Variants in ADGRG1 observed in about 807,000 individuals in gnomAD.
ADGRG1 encodes adhesion G protein-coupled receptor G1.
A neutral mutation model predicts 73.5 loss-of-function variants in ADGRG1; 53 were observed. That is an observed-to-expected ratio of 0.72 (90% confidence interval 0.58 to 0.91). The LOEUF (loss-of-function observed/expected upper bound fraction) is 0.91, where lower values mean the gene tolerates loss of function less well. ADGRG1 is among the 40% of genes least tolerant of loss of function. ADGRG1 has a pLI of 0.00. For missense variants in ADGRG1, 795 were observed against 871.8 expected (o/e 0.91, Z 1.11); for synonymous variants, 394 against 374.4 (o/e 1.05, Z -0.60).
intron 1 of ADGRG1, chr16:57,633,165 C>T: frequency 2.7e-6 from 1 of 364,412 alleles, no homozygotes; most frequent in Non-Finnish European, 3.8e-6. Flanking sequence ...ATGGAGATAA[C>T]AATACATCCC....
At chr16:57,640,194 C>A (rs910697366) in intron 1 of ADGRG1, 2 of 152,240 alleles carry the variant, frequency 1.3e-5, no homozygotes, top group African/African-American at 4.8e-5. Flanking sequence ...TGGCGTCCAG[C>A]TGAACCCATG....
At position 57,632,822 on chromosome 16, in the gene ADGRG1, G is replaced by A. The variant is rs76001127; in HGVS notation, c.-36+4020G>A. 6,247 of 985,392 alleles carry A rather than the reference G, an allele frequency of 6.3e-3. 346 individuals carry two copies. The East Asian group carries it at 0.21, about 33-fold the overall frequency. The allele number at this position is 985,392 out of a possible 1,614,324, so 61.0% of individuals were successfully genotyped here. A position where few individuals can be genotyped will look rare whatever the true frequency, so the allele number is the denominator to read the frequency against. ...TGGACAGGCCTCTCTGCATTAGTGG[G>A]AGATGGCCTGGCGGTGGGGAGATGG... On this transcript the variant is annotated intron_variant, in intron 1 of 13. Transcript: ENST00000562631.
intron 5 of ADGRG1, chr16:57,654,912 G>A (rs1044003569): frequency 5.2e-6 from 1 of 192,504 alleles, no homozygotes; most frequent in African/African-American, 2.4e-5. Flanking sequence ...TAAAGACAAG[G>A]TCTTGCTACG....
Position 57,650,340 on chromosome 16 carries a change from T to C in ADGRG1, c.53T>C (p.Phe18Ser). ...ACACTGTTCCTGCTGAGTCTGCTCT[T>C]CCTGGTCCAAGGCAGGTCTTCCCAG... Reference protein sequence around the residue: ...QTTLFLLSLLFLVQGAHGRGH... With the variant: ...QTTLFLLSLLSLVQGAHGRGH... The change falls in exon 2 of 14, where the codon TTC (phenylalanine) becomes TCC (serine). Residue 18 changes from phenylalanine (F) to serine (S), a missense_variant. Transcript: ENST00000562631. The C allele has an allele frequency of 6.2e-7, 1 of 1,612,734 alleles. No individual in the cohort carries two copies. Among genetic ancestry groups the C allele is most frequent in the South Asian group, 1.1e-5 (1 of 91,048 alleles).
upstream of ADGRG1, chr16:57,626,873 C>T (rs1596988261): frequency 2.0e-6 from 2 of 980,488 alleles, no homozygotes; most frequent in Admixed American, 6.1e-5. Flanking sequence ...CCCATCCTCC[C>T]CTAGATAACT....
chr16:57,651,381 T>C lies in ADGRG1; in HGVS notation c.246T>C (p.Pro82=), dbSNP rs768452683. ...PAAHPASRSF[P]DPRGLYHFCL... ...CCCACCCTGCTTCCCGATCCTTCCC[T>C]GACCCCAGGGGCCTCTACCACTTCT... Residue 82 remains proline (P), a synonymous_variant, in exon 3 of 14, where the codon CCT becomes CCC. Transcript: ENST00000562631. 6.2e-6 allele frequency: 10 copies of C among 1,614,198 alleles called. No homozygotes were observed. In the East Asian group the frequency reaches 1.1e-4, roughly 18 times the overall value.
At chr16:57,633,227 C>A in intron 1 of ADGRG1, 1 of 727,702 alleles carries the variant, frequency 1.4e-6, no homozygotes, top group Non-Finnish European at 1.7e-6. Context: ...AAGTATGTAC[C>A]TAGCACAGTG....
Position 57,637,573 on chromosome 16 carries a change from C to T in ADGRG1, c.-36+8771C>T, listed in dbSNP as rs1283780801. On this transcript the variant is annotated intron_variant, in intron 1 of 13. Transcript: ENST00000562631. The stretch of plus-strand genomic sequence containing the variant: ...CGGCCAGCAAGCCTTGTGAGCCTTT[C>T]CGGGAGAAGGTTTCACCAGAGAACA... The T allele has an allele frequency of 4.1e-6, 4 of 985,312 alleles. No individual in the cohort carries two copies. The African/African-American group carries it at 5.2e-5, about 13-fold the overall frequency. The allele number at this position is 985,312 out of a possible 1,614,324, so 61.0% of individuals were successfully genotyped here. A position where few individuals can be genotyped will look rare whatever the true frequency, so the allele number is the denominator to read the frequency against.
chr16:57,663,976 A>C lies in ADGRG1; in HGVS notation c.*394A>C, dbSNP rs1352681744. The C allele has an allele frequency of 3.6e-6, 1 of 281,402 alleles. No individual in the cohort carries two copies. Among genetic ancestry groups the C allele is most frequent in the Non-Finnish European group, 6.9e-6 (1 of 145,286 alleles). The allele number at this position is 281,402 out of a possible 1,614,324, so 17.4% of individuals were successfully genotyped here. On this transcript the variant is annotated 3_prime_UTR_variant, in exon 14 of 14. Transcript: ENST00000562631. ...ATCCTGTGCCCCTGCCTGGGACAGA[A>C]ATGTGGCTCCAGTTGCTCTGTCTCT...
chr16:57,626,867 T>A (rs777879731), upstream of ADGRG1: 65 of 978,736 alleles, frequency 6.6e-5, no homozygotes, highest in South Asian at 1.3e-3. Flanking sequence ...GGACAACCCA[T>A]CCTCCCCTAG....
In ADGRG1 at chr16:57,645,116, G is replaced by T. The variant is rs973168844; in HGVS notation, c.-35-5137G>T. 9.1e-6 allele frequency: 9 copies of T among 984,586 alleles called. No individual in the cohort carries two copies. The East Asian group carries it at 9.1e-4, about 99-fold the overall frequency. 61.0% of individuals were successfully genotyped at this position (984,586 alleles called of 1,614,324 possible). On this transcript the variant is annotated intron_variant, in intron 1 of 13. Transcript: ENST00000562631. ...CGCAGGAGTTCATCCTCACCCTGCC[G>T]CCCGACCCCCTGGGCCAAATCCTTG...
intron 11 of ADGRG1, chr16:57,660,102 T>G: frequency 4.2e-6 from 1 of 240,874 alleles, no homozygotes; most frequent in Non-Finnish European, 6.7e-6. Context: ...TGGCTTGGCA[T>G]TTTGTTCTTG....
At chr16:57,628,835 A>G in intron 1 of ADGRG1, 33 bp downstream of exon 1, 1 of 985,434 alleles carries the variant, frequency 1.0e-6, no homozygotes, top group Non-Finnish European at 1.2e-6. Flanking sequence ...GCAGGTGGGA[A>G]GGGGAATAGT....
intron 13 of ADGRG1, among the ~76,000 whole-genome samples, chr16:57,662,416 G>A (rs1456196711): frequency 2.6e-5 from 4 of 152,132 alleles, no homozygotes; most frequent in African/African-American, 9.7e-5. Flanking sequence ...GAGAGATGGG[G>A]GGGCCTCCCT....
chr16:57,625,757 G>A (rs950461736), upstream of ADGRG1: 30 of 632,286 alleles, frequency 4.7e-5, no homozygotes, highest in South Asian at 2.1e-3. Context: ...TGGCTCCCCA[G>A]TACCTTTGAT....
intron 12 of ADGRG1, 124 bp downstream of exon 12, chr16:57,661,000 C>T: frequency 1.4e-6 from 1 of 732,960 alleles, no homozygotes. Flanking sequence ...GAGGAATTGG[C>T]CTGGCAGTGG....
At chr16:57,659,088 A>G in intron 10 of ADGRG1, 1 of 985,364 alleles carries the variant, frequency 1.0e-6, no homozygotes, top group African/African-American at 1.7e-5. Context: ...ATTCTCCAAC[A>G]TGGTGAAAAT....
rs879311358 is a variant in ADGRG1, at chr16:57,628,937, TGAGC to T, written c.-36+137_-36+140del. On this transcript the variant is annotated intron_variant, in intron 1 of 13. Coordinates refer to ENST00000562631, the MANE Select transcript of ADGRG1 (RefSeq NM_201525.4). ...GTGAGAGTGAGTGTGAGTGTGAGTG[TGAGC>T]GTGAGAGTGTGAGAGTGTGTGAGTG... 9,020 of 774,652 alleles carry T rather than the reference TGAGC, an allele frequency of 0.012. 490 individuals carry two copies. The East Asian group carries it at 0.15, about 13-fold the overall frequency. The allele number at this position is 774,652 out of a possible 1,614,324, so 48.0% of individuals were successfully genotyped here.
In ADGRG1 at chr16:57,643,655, C is replaced by T; in HGVS notation, c.-35-6598C>T. 4.1e-6 allele frequency: 4 copies of T among 985,058 alleles called. 1 individual carries two copies. The highest frequency in any genetic ancestry group is 4.8e-6 in the Non-Finnish European group (4 of 829,614). The allele number at this position is 985,058 out of a possible 1,614,324, so 61.0% of individuals were successfully genotyped here. On this transcript the variant is annotated intron_variant, in intron 1 of 13. Transcript: ENST00000562631. ...CCTGGGCACCTGCCAGCCTCCGAGG[C>T]AGGCAGCTTGCTTCATTTTATTCTC...
Sources: allele counts gnomAD v4.1 joint callset (sites outside exome capture counted in the v4.1 genomes callset), GRCh38; gene constraint gnomAD v4.1.1; transcripts MANE v1.5; gene names NCBI Gene and HGNC (gene_info 2026-07-23, HGNC 2026-07-21).